UBE2D2: variants seen among roughly 807,000 people sequenced by gnomAD.
The protein encoded by UBE2D2 is ubiquitin-conjugating enzyme E2 D2.
A neutral mutation model predicts 24.2 loss-of-function variants in UBE2D2; 2 were observed. The ratio of observed to expected loss-of-function variants is 0.08; its 90% CI spans 0.03 to 0.26. The LOEUF (loss-of-function observed/expected upper bound fraction) is 0.26. UBE2D2 is among the 10% of genes least tolerant of loss of function. The probability of loss-of-function intolerance (pLI) is 1.00; values close to 1 mark genes in which losing one functional copy is unlikely to be tolerated. For synonymous variants in UBE2D2, 58 were observed against 56.5 expected (o/e 1.03, Z -0.12); for missense variants, 44 against 177.6 (o/e 0.25, Z 4.28).
chr5:139,605,813 A>C (rs1462330938), intron 2 of UBE2D2, among the ~76,000 whole-genome samples: 1 of 150,372 alleles, frequency 6.7e-6, no homozygotes, highest in Non-Finnish European at 1.5e-5. Flanking sequence ...ATTGCAGCTC[A>C]CTGAAGCCTC....
At chr5:139,598,720 C>G (rs1429248895) in intron 1 of UBE2D2, among the ~76,000 whole-genome samples, 1 of 151,010 alleles carries the variant, frequency 6.6e-6, no homozygotes, top group East Asian at 2.0e-4. Flanking sequence ...GCCACCACTC[C>G]CAGCTAATTT....
intron 1 of UBE2D2, among the ~76,000 whole-genome samples, chr5:139,538,729 C>T (rs976686510): frequency 1.3e-5 from 2 of 151,882 alleles, no homozygotes; most frequent in Non-Finnish European, 2.9e-5. Context: ...AGGAATTAGC[C>T]GGGCATGGTG....
Position 139,587,173 on chromosome 5 carries a change from A to ACC in UBE2D2, c.25-13198_25-13197insCC. On this transcript the variant is annotated intron_variant, in intron 1 of 6. Coordinates refer to ENST00000398733, the MANE Select transcript of UBE2D2 (RefSeq NM_003339.3). ...CGGAAGAGAACCGTAGAACCCAGTG[A>ACC]CTAGTGTTCCAGCTGGATAGGATGA... Among the ~76,000 whole-genome samples the ACC allele has an allele frequency of 2.6e-5, 4 of 152,272 alleles. No individual in the cohort carries two copies. The Middle Eastern group carries it at 0.014, about 518-fold the overall frequency.
At chr5:139,537,430 G>A (rs1001060865) in intron 1 of UBE2D2, among the ~76,000 whole-genome samples, 1 of 152,006 alleles carries the variant, frequency 6.6e-6, no homozygotes, top group African/African-American at 2.4e-5. Context: ...ATCGATTTTA[G>A]TATATTCACA....
intron 5 of UBE2D2, among the ~76,000 whole-genome samples, chr5:139,619,915 C>T (rs1215989174): frequency 6.6e-6 from 1 of 152,128 alleles, no homozygotes; most frequent in Non-Finnish European, 1.5e-5. Flanking sequence ...ATACAGAAAG[C>T]ATGGCAGCAT....
intron 1 of UBE2D2, among the ~76,000 whole-genome samples, chr5:139,544,189 A>T (rs1489660239): frequency 2.7e-5 from 4 of 148,824 alleles, no homozygotes; most frequent in Non-Finnish European, 5.9e-5. Context: ...TTTTTAATAG[A>T]GATGAGGTCT....
intron 1 of UBE2D2, among the ~76,000 whole-genome samples, chr5:139,583,163 C>T (rs1447617785): frequency 6.6e-6 from 1 of 151,416 alleles, no homozygotes; most frequent in African/African-American, 2.4e-5. Context: ...TTAGTAGAGA[C>T]GGGGTTTCAC....
At chr5:139,618,148 ATTT>A (rs1754452875) in intron 5 of UBE2D2, among the ~76,000 whole-genome samples, 1 of 151,874 alleles carries the variant, frequency 6.6e-6, no homozygotes, top group Non-Finnish European at 1.5e-5. Flanking sequence ...ATAATTTTGT[ATTT>A]TTAGTAGAGA....
At chr5:139,529,459 CT>C (rs1752576704) in intron 1 of UBE2D2, among the ~76,000 whole-genome samples, 1 of 152,136 alleles carries the variant, frequency 6.6e-6, no homozygotes, top group Non-Finnish European at 1.5e-5. Context: ...ATAAGTACAT[CT>C]GTCAAAAATC....
intron 2 of UBE2D2, among the ~76,000 whole-genome samples, chr5:139,613,183 A>C (rs1399288054): frequency 6.6e-6 from 1 of 152,210 alleles, no homozygotes; most frequent in Non-Finnish European, 1.5e-5. Context: ...GTGAGCAACA[A>C]ACCAACTTTA....
At chr5:139,536,517 C>T (rs1175435876) in intron 1 of UBE2D2, among the ~76,000 whole-genome samples, 1 of 152,146 alleles carries the variant, frequency 6.6e-6, no homozygotes, top group African/African-American at 2.4e-5. Context: ...GCACACGTGA[C>T]CAAACCTGGC....
At chr5:139,605,955 CTGGTCT>C (rs1260084656) in intron 2 of UBE2D2, among the ~76,000 whole-genome samples, 1 of 151,940 alleles carries the variant, frequency 6.6e-6, no homozygotes, top group Non-Finnish European at 1.5e-5. Context: ...GTTTCCTACG[CTGGTCT>C]TGAAATCCTG....
chr5:139,553,820 C>T (rs927075655), intron 1 of UBE2D2, among the ~76,000 whole-genome samples: 6 of 152,120 alleles, frequency 3.9e-5, no homozygotes, highest in African/African-American at 4.8e-5. Context: ...TACTCTGTCA[C>T]CCAGGCTGGG....
upstream of UBE2D2, among the ~76,000 whole-genome samples, chr5:139,558,036 C>G (rs1753004974): frequency 1.3e-5 from 2 of 151,904 alleles, no homozygotes; most frequent in African/African-American, 2.4e-5. Context: ...GAGTTGGAGG[C>G]TGACGTGTAC....
Position 139,561,780 on chromosome 5 carries a change from C to G in UBE2D2, c.-12C>G. 1 of 1,499,312 alleles carries G rather than the reference C, an allele frequency of 6.7e-7. No individual in the cohort carries two copies. The highest frequency in any genetic ancestry group is 8.8e-7 in the Non-Finnish European group (1 of 1,131,816). 92.9% of individuals were successfully genotyped at this position (1,499,312 alleles called of 1,614,324 possible). On this transcript the variant is annotated 5_prime_UTR_variant, in exon 1 of 7. Transcript: ENST00000398733. ...TCCCCGCCCCGGGGGCCGCCGCCAC[C>G]CGCCTCCCACCATGGCTCTGAAGAG...
rs550297433 is a variant in UBE2D2, at chr5:139,575,762, A to G, written c.24+13947A>G. Among the ~76,000 whole-genome samples the G allele has an allele frequency of 1.4e-3, 215 of 152,380 alleles. 7 individuals carry two copies. Among genetic ancestry groups the G allele is most frequent in the South Asian group, 3.7e-3 (18 of 4,832 alleles). ...TGAAATTAGCTGGGTACAGTGGCTC[A>G]TGCCTATAATCTCAGTGCTTTGGGA... On this transcript the variant is annotated intron_variant, in intron 1 of 6. Coordinates refer to ENST00000398733, the MANE Select transcript of UBE2D2 (RefSeq NM_003339.3).
At chr5:139,564,512 G>C (rs1484662047) in intron 1 of UBE2D2, among the ~76,000 whole-genome samples, 1 of 151,534 alleles carries the variant, frequency 6.6e-6, no homozygotes, top group African/African-American at 2.4e-5. Flanking sequence ...GGAGTGCAGT[G>C]GTGCTATCCT....
chr5:139,534,254 G>A (rs1450022909), intron 1 of UBE2D2, among the ~76,000 whole-genome samples: 2 of 151,052 alleles, frequency 1.3e-5, no homozygotes, highest in African/African-American at 2.4e-5. Context: ...CCAACATGGA[G>A]AAAACCGGTC....
At chr5:139,576,019 TCAAAA>T (rs771003374) in intron 1 of UBE2D2, among the ~76,000 whole-genome samples, 3 of 152,166 alleles carry the variant, frequency 2.0e-5, no homozygotes, top group Non-Finnish European at 4.4e-5. Context: ...AGATCCTGAC[TCAAAA>T]CAAGACAAGC....
Sources: gnomAD v4.1 joint callset for allele counts (sites outside exome capture counted in the v4.1 genomes callset) on GRCh38, gnomAD v4.1.1 for gene constraint, MANE v1.5 for transcripts, NCBI Gene and HGNC (gene_info 2026-07-23, HGNC 2026-07-21) for gene names.